The following CYP4F22 variants were observed in gnomAD, a reference collection of about 807,000 sequenced individuals.
CYP4F22 encodes the protein cytochrome P450 family 4 subfamily F member 22, also known as ultra-long-chain fatty acid omega-hydroxylase.
Under a neutral mutation model 60.4 loss-of-function variants are expected in CYP4F22, and 37 were observed. The observed-to-expected ratio is 0.61, with a 90% confidence interval of 0.47 to 0.81. The LOEUF (loss-of-function observed/expected upper bound fraction) is 0.81. Among genes scored for constraint, CYP4F22 ranks in the 30% least tolerant of loss-of-function variants. The probability of loss-of-function intolerance (pLI) is 0.00; values close to 1 mark genes in which losing one functional copy is unlikely to be tolerated. For missense variants in CYP4F22, 655 were observed against 715.0 expected, an observed-to-expected ratio of 0.92 and a Z score of 0.96; for synonymous variants, 258 against 280.5, an observed-to-expected ratio of 0.92 and a Z score of 0.80.
At chr19:15,543,788 C>T (rs1051855577) in intron 8 of CYP4F22, among the ~76,000 whole-genome samples, 183 bp from the exon 9 acceptor site, 12 of 149,460 alleles carry the variant, frequency 8.0e-5, no homozygotes, top group East Asian at 7.9e-4. Flanking sequence ...ACCTGACAGT[C>T]GGAGGCTGCA....
chr19:15,541,536 A>T (rs1481576378), intron 8 of CYP4F22, among the ~76,000 whole-genome samples: 1 of 127,054 alleles, frequency 7.9e-6, no homozygotes, highest in Non-Finnish European at 1.7e-5. Context: ...ATTCTAGCGG[A>T]GGGGGGGTGG....
At chr19:15,528,239 G>A (rs1971303812) in intron 3 of CYP4F22, among the ~76,000 whole-genome samples, 1 of 152,096 alleles carries the variant, frequency 6.6e-6, no homozygotes, top group African/African-American at 2.4e-5. Flanking sequence ...AATTGCTTGA[G>A]CCCGGGAGTT....
chr19:15,532,773 A>C (rs1971357556), intron 4 of CYP4F22, among the ~76,000 whole-genome samples: 1 of 151,946 alleles, frequency 6.6e-6, no homozygotes, highest in Non-Finnish European at 1.5e-5. Context: ...CTCCAAACAG[A>C]CCGAGGAGTA....
At chr19:15,527,652 G>A (rs1971298165) in intron 3 of CYP4F22, among the ~76,000 whole-genome samples, 1 of 152,226 alleles carries the variant, frequency 6.6e-6, no homozygotes, top group Non-Finnish European at 1.5e-5. Context: ...GGCTGCAATT[G>A]AGCCCTGGGT....
chr19:15,516,666 T>C (rs1056934089), intron 1 of CYP4F22: 5 of 462,646 alleles, frequency 1.1e-5, no homozygotes, highest in Non-Finnish European at 2.0e-5. Flanking sequence ...CTATGGCTGA[T>C]CAGAGGCGGC....
At chr19:15,514,023 C>G (rs1017524864) in intron 1 of CYP4F22, among the ~76,000 whole-genome samples, 1 of 152,158 alleles carries the variant, frequency 6.6e-6, no homozygotes, top group Non-Finnish European at 1.5e-5. Flanking sequence ...ACATGATTTT[C>G]TTAAAGAATA....
chr19:15,515,449 G>C, intron 1 of CYP4F22: 1 of 938,548 alleles, frequency 1.1e-6, no homozygotes, highest in Non-Finnish European at 1.7e-6. Context: ...AGCTGGCCAG[G>C]CACGGTGGCT....
Position 15,543,957 on chromosome 19 carries a change from A to G in CYP4F22, c.940-14A>G. On this transcript the variant is annotated splice_polypyrimidine_tract_variant and intron_variant, in intron 8 of 13. Coordinates refer to ENST00000269703, the MANE Select transcript of CYP4F22 (RefSeq NM_173483.4). Reference sequence around the variant, plus strand: ...GGATGAAGTGGGCTGAGCACCCTCTACTGCCCATTCCAGGATGAAGATGGA... The same window carrying G: ...GGATGAAGTGGGCTGAGCACCCTCTGCTGCCCATTCCAGGATGAAGATGGA... The G allele has an allele frequency of 6.2e-7, 1 of 1,613,844 alleles. No homozygotes were observed. Among genetic ancestry groups the G allele is most frequent in the Non-Finnish European group, 8.5e-7 (1 of 1,179,972 alleles).
chr19:15,525,302 A>G (rs367698658), intron 2 of CYP4F22, 34 bp from the exon 3 acceptor site: 159 of 1,602,252 alleles, frequency 9.9e-5, no homozygotes, highest in Non-Finnish European at 5.3e-5. Context: ...CGTCTTGTGC[A>G]TGGCACCGAC....
At position 15,531,764 on chromosome 19, in the gene CYP4F22, G is replaced by A. The variant is rs76751249; in HGVS notation, c.367+1911G>A. On this transcript the variant is annotated intron_variant, in intron 4 of 13. Transcript: ENST00000269703. Reference sequence around the variant, plus strand: ...ATTTATCTAGCCTCTCTGGATCTCAGGTTTTGATCTGTAAAATGGGTGCAG... The same window carrying A: ...ATTTATCTAGCCTCTCTGGATCTCAAGTTTTGATCTGTAAAATGGGTGCAG... Among the ~76,000 whole-genome samples, 1,226 of 152,174 alleles carry A rather than the reference G, an allele frequency of 8.1e-3. 24 individuals are homozygous for A. Among genetic ancestry groups the A allele is most frequent in the African/African-American group, 0.027 (1,140 of 41,518 alleles).
intron 12 of CYP4F22, among the ~76,000 whole-genome samples, chr19:15,550,274 G>A (rs1971579274): frequency 1.3e-5 from 2 of 152,002 alleles, no homozygotes; most frequent in Non-Finnish European, 2.9e-5. Context: ...GCCTGAGTGA[G>A]ACTCTGACTC....
At chr19:15,551,239 G>A in intron 13 of CYP4F22, 55 bp from the exon 14 acceptor site, 3 of 1,579,454 alleles carry the variant, frequency 1.9e-6, no homozygotes, top group Non-Finnish European at 2.6e-6. Context: ...TGTGACCCCC[G>A]GGGACCAGTG....
intron 7 of CYP4F22, 113 bp from the exon 8 acceptor site, chr19:15,540,337 G>C (rs1295398175): frequency 1.6e-6 from 2 of 1,268,618 alleles, no homozygotes; most frequent in African/African-American, 3.0e-5. Context: ...AGTTAATATA[G>C]GGCTTCTCTT....
At position 15,546,296 on chromosome 19, in the gene CYP4F22, A is replaced by G. The variant is rs576962034; in HGVS notation, c.1137-1812A>G. On this transcript the variant is annotated intron_variant, in intron 10 of 13. Transcript: ENST00000269703. ...CAGCCATAAAGTTTCTTTGAAAGAG[A>G]ACCTGGGCCAGGTGCAGTGGCTCAT... is the stretch of plus-strand genomic sequence containing the variant. Among the ~76,000 whole-genome samples, 12 of 152,092 alleles carry G rather than the reference A, an allele frequency of 7.9e-5. No homozygotes were observed. The East Asian group carries it at 2.3e-3, about 30-fold the overall frequency.
At chr19:15,513,136 A>G (rs995456100) in intron 1 of CYP4F22, among the ~76,000 whole-genome samples, 1 of 151,992 alleles carries the variant, frequency 6.6e-6, no homozygotes, top group Non-Finnish European at 1.5e-5. Context: ...CAGGCTTTCC[A>G]TATGGACCAC....
At chr19:15,524,101 A>G (rs1404706770) in intron 2 of CYP4F22, among the ~76,000 whole-genome samples, 1 of 152,076 alleles carries the variant, frequency 6.6e-6, no homozygotes, top group Non-Finnish European at 1.5e-5. Context: ...TATCCATACA[A>G]TGGAATATTA....
chr19:15,515,602 G>A (rs762288826), intron 1 of CYP4F22, among the ~76,000 whole-genome samples: 5 of 152,032 alleles, frequency 3.3e-5, no homozygotes, highest in Non-Finnish European at 5.9e-5. Flanking sequence ...GGCGCATGCC[G>A]GTAATCTTAG....
chr19:15,550,182 T>G (rs1369959920), intron 12 of CYP4F22, among the ~76,000 whole-genome samples: 1 of 152,036 alleles, frequency 6.6e-6, no homozygotes, highest in Non-Finnish European at 1.5e-5. Flanking sequence ...CCATCTGCCT[T>G]GGCCTCCCAA....
intron 1 of CYP4F22, among the ~76,000 whole-genome samples, chr19:15,517,383 G>C (rs1314622216): frequency 6.6e-6 from 1 of 152,220 alleles, no homozygotes; most frequent in Non-Finnish European, 1.5e-5. Context: ...CCTGGGGGCA[G>C]AGCCAGGGGT....
Sources: allele counts gnomAD v4.1 joint callset (sites outside exome capture counted in the v4.1 genomes callset), GRCh38; gene constraint gnomAD v4.1.1; transcripts MANE v1.5; gene names NCBI Gene and HGNC (gene_info 2026-07-23, HGNC 2026-07-21).